Variants in PTPRB observed in about 807,000 individuals in gnomAD.
PTPRB encodes the protein protein tyrosine phosphatase receptor type B, also known as receptor-type tyrosine-protein phosphatase beta.
In PTPRB, 97 loss-of-function variants were observed where a neutral mutation model predicts 238.1. The observed-to-expected ratio is 0.41, with a 90% CI of 0.35 to 0.48. The LOEUF (loss-of-function observed/expected upper bound fraction) is 0.48, where lower values mean the gene tolerates loss of function less well. Among genes scored for constraint, PTPRB ranks in the 20% least tolerant of loss-of-function variants. The pLI is 0.30. For synonymous variants in PTPRB, 970 were observed against 995.4 expected, an observed-to-expected ratio of 0.97 and a Z score of 0.48; for missense variants, 2,292 against 2,681.9, an observed-to-expected ratio of 0.85 and a Z score of 3.21.
chr12:70,556,118 C>A lies in PTPRB; in HGVS notation c.4745G>T (p.Arg1582Leu). 1 of 1,613,552 alleles carries A rather than the reference C, an allele frequency of 6.2e-7. No homozygotes were observed. The highest frequency in any genetic ancestry group is 1.1e-5 in the South Asian group (1 of 91,060). ...KPDKIQNLHC[R>L]PQNSTAIACS... is the part of the protein sequence containing the mutation. ...GGCAATGGCCGTGGAGTTCTGAGGCCGGCAATGCAGGTTTTGTATCTTGTC... is the reference window on the plus strand; with the variant it reads ...GGCAATGGCCGTGGAGTTCTGAGGCAGGCAATGCAGGTTTTGTATCTTGTC... The change falls in exon 19 of 34, where the codon CGG (arginine) becomes CTG (leucine). Residue 1582 changes from arginine to leucine, a missense_variant. Around this residue, in one of 4 missense-constraint regions of PTPRB, gnomAD observed 683 missense variants for 862.0 expected, o/e 0.79. Coordinates refer to ENST00000334414, the MANE Select transcript of PTPRB (RefSeq NM_001109754.4).
intron 9 of PTPRB, chr12:70,584,966 T>C (rs1270691701): frequency 6.9e-6 from 1 of 145,588 alleles, no homozygotes. Context: ...AAATTTCTTT[T>C]TTTTTTTTTT....
chr12:70,540,033 A>C lies in PTPRB; in HGVS notation c.5595-11T>G. The C allele has an allele frequency of 4.4e-6, 7 of 1,590,278 alleles. No individual in the cohort carries two copies. Among genetic ancestry groups the C allele is most frequent in the Non-Finnish European group, 6.0e-6 (7 of 1,159,226 alleles). ...CTTTCTCGACCATGGCTGAAACATA[A>C]GGGAGATAACTTTTATTCTGATTAT... is the stretch of plus-strand genomic sequence containing the variant. On this transcript the variant is annotated splice_polypyrimidine_tract_variant and intron_variant, in intron 23 of 33. Coordinates refer to ENST00000334414, the MANE Select transcript of PTPRB (RefSeq NM_001109754.4).
Position 70,581,115 on chromosome 12 carries a change from G to A in PTPRB, c.2499C>T (p.Ser833=), listed in dbSNP as rs765397660. Residue 833 remains serine, a synonymous_variant, in exon 10 of 34, where the codon TCC becomes TCT. Transcript: ENST00000334414. ...TSRYSFHSLK[S]GSLYSVVVTT... is the part of the protein sequence containing the mutation. ...TTACCACCACGGAGTACAGGCTGCCGGACTTGAGAGAGTGGAAGCTGTATC... is the reference window on the plus strand; with the variant it reads ...TTACCACCACGGAGTACAGGCTGCCAGACTTGAGAGAGTGGAAGCTGTATC... 7 of 1,613,842 alleles carry A rather than the reference G, an allele frequency of 4.3e-6. No individual in the cohort carries two copies. Among genetic ancestry groups the A allele is most frequent in the Admixed American group, 3.3e-5 (2 of 59,998 alleles).
At chr12:70,618,131 A>G (rs1337103211) in intron 3 of PTPRB, among the ~76,000 whole-genome samples, 1 of 152,094 alleles carries the variant, frequency 6.6e-6, no homozygotes, top group Non-Finnish European at 1.5e-5. Flanking sequence ...ACAGGGTCTC[A>G]TTCTGTCATC....
chr12:70,626,732 G>C (rs997515789), intron 2 of PTPRB, among the ~76,000 whole-genome samples: 2 of 151,842 alleles, frequency 1.3e-5, no homozygotes, highest in Non-Finnish European at 2.9e-5. Context: ...GGAGGTGCTG[G>C]AACCCATCCC....
chr12:70,531,725 G>A (rs1873276492), intron 32 of PTPRB, among the ~76,000 whole-genome samples: 1 of 150,330 alleles, frequency 6.7e-6, no homozygotes, highest in East Asian at 2.0e-4. Flanking sequence ...GGGGTCTCCT[G>A]AAATGGGGGT....
Position 70,536,073 on chromosome 12 carries a change from T to A in PTPRB, c.6033A>T (p.Gln2011His). Residue 2011 changes from glutamine (Q) to histidine (H), a missense_variant, in exon 29 of 34, where the codon CAA (glutamine) becomes CAT (histidine). Gln to His is a conservative substitution (Grantham distance 24). Transcript: ENST00000334414. ...TCACCATGACGATGTTGTGAACGTT[T>A]TGTTCCCACACCATTTTCCAGAAGT... is the stretch of plus-strand genomic sequence containing the variant. ...KDDFWKMVWEQNVHNIVMVTQ... is the reference protein window; with the variant it reads ...KDDFWKMVWEHNVHNIVMVTQ... The A allele has an allele frequency of 1.9e-6, 3 of 1,613,910 alleles. No individual in the cohort carries two copies. The highest frequency in any genetic ancestry group is 2.5e-6 in the Non-Finnish European group (3 of 1,179,818).
intron 14 of PTPRB, among the ~76,000 whole-genome samples, chr12:70,568,223 T>G (rs141586383): frequency 6.6e-6 from 1 of 152,286 alleles, no homozygotes; most frequent in East Asian, 1.9e-4. Context: ...TTTACTGTAA[T>G]TGCCTTTTTA....
intron 28 of PTPRB, among the ~76,000 whole-genome samples, chr12:70,537,284 C>CAAAAA (rs58633138): frequency 4.4e-5 from 4 of 90,704 alleles, no homozygotes; most frequent in African/African-American, 1.4e-4. Flanking sequence ...AAGACCATCT[C>CAAAAA]AAAAAAAAAA....
intron 2 of PTPRB, among the ~76,000 whole-genome samples, chr12:70,629,869 T>C (rs1306255423): frequency 1.3e-5 from 2 of 152,080 alleles, no homozygotes; most frequent in Non-Finnish European, 2.9e-5. Context: ...ATTCCTGGAC[T>C]CATAATGTGT....
intron 22 of PTPRB, chr12:70,542,587 A>ATAT (rs1555223381): frequency 1.5e-5 from 2 of 133,224 alleles, no homozygotes; most frequent in Admixed American, 8.8e-5. Flanking sequence ...TGAAAAAAAA[A>ATAT]AAATATATAT....
intron 19 of PTPRB, 103 bp from the exon 20 acceptor site, chr12:70,555,412 CTG>C (rs146276013): frequency 1.9e-4 from 220 of 1,129,082 alleles, no homozygotes; most frequent in Admixed American, 3.7e-4. Context: ...CTGCATCAGA[CTG>C]TGTGTGTGTG....
intron 2 of PTPRB, among the ~76,000 whole-genome samples, chr12:70,625,513 G>T (rs1885132931): frequency 6.6e-6 from 1 of 151,234 alleles, no homozygotes; most frequent in South Asian, 2.1e-4. Flanking sequence ...TGGATGGGAA[G>T]AAAGAAAATC....
At chr12:70,608,953 C>A in intron 4 of PTPRB, 116 bp downstream of exon 4, 1 of 1,339,812 alleles carries the variant, frequency 7.5e-7, no homozygotes, top group Admixed American at 2.2e-5. Flanking sequence ...TTTATCTTCA[C>A]AGGTATTTTT....
chr12:70,562,006 A>G (rs1878549056), intron 16 of PTPRB, among the ~76,000 whole-genome samples: 1 of 152,254 alleles, frequency 6.6e-6, no homozygotes, highest in Admixed American at 6.5e-5. Flanking sequence ...GTGGTGGCTC[A>G]CGCCTCTAAT....
rs111874833 is a variant in PTPRB at position 70,559,409 on chromosome 12, C to G, written c.4648G>C (p.Val1550Leu). ...CAGGAATCACCACTGACAGTCTTGA[C>G]GTTGAATTGATAGGATCTCCCTGGA... ...LRPGRSYQFNVKTVSGDSWKT... is the reference protein window; with the variant it reads ...LRPGRSYQFNLKTVSGDSWKT... Residue 1550 changes from valine to leucine, a missense_variant, in exon 18 of 34, where the codon GTC becomes CTC. Val to Leu is a conservative substitution (Grantham distance 32). Coordinates refer to ENST00000334414, the MANE Select transcript of PTPRB (RefSeq NM_001109754.4). 1 of 1,613,760 alleles carries G rather than the reference C, an allele frequency of 6.2e-7. No homozygotes were observed. The highest frequency in any genetic ancestry group is 1.3e-5 in the African/African-American group (1 of 74,918).
chr12:70,607,224 T>C (rs1482164818), intron 4 of PTPRB, among the ~76,000 whole-genome samples: 1 of 152,258 alleles, frequency 6.6e-6, no homozygotes, highest in Non-Finnish European at 1.5e-5. Flanking sequence ...AACCATATTC[T>C]GGCTTCTTAA....
At chr12:70,532,888 C>T (rs1374343859) in intron 31 of PTPRB, among the ~76,000 whole-genome samples, 1 of 152,178 alleles carries the variant, frequency 6.6e-6, no homozygotes, top group Non-Finnish European at 1.5e-5. Flanking sequence ...TCAAGTGATC[C>T]TTCCACTTTG....
chr12:70,554,909 C>T (rs922999723), intron 20 of PTPRB, among the ~76,000 whole-genome samples: 10 of 152,140 alleles, frequency 6.6e-5, no homozygotes, highest in Non-Finnish European at 8.8e-5. Flanking sequence ...TTGTTATTAT[C>T]GTTGTGGTTG....
Sources: allele counts gnomAD v4.1 joint callset (sites outside exome capture counted in the v4.1 genomes callset), GRCh38; gene constraint gnomAD v4.1.1; regional missense constraint gnomAD v4.1.1; transcripts MANE v1.5; gene names NCBI Gene and HGNC (gene_info 2026-07-23, HGNC 2026-07-21).